Variants in FAM171B observed in about 807,000 individuals in gnomAD.
FAM171B encodes the protein family with sequence similarity 171 member B.
A neutral mutation model predicts 75.6 loss-of-function variants in FAM171B; 19 were observed. The ratio of observed to expected loss-of-function variants is 0.25; its 90% CI spans 0.18 to 0.37. The LOEUF (loss-of-function observed/expected upper bound fraction) is 0.37, where lower values mean the gene tolerates loss of function less well. Ranked by LOEUF, FAM171B falls within the 10% of genes least tolerant of loss-of-function variation. The pLI, the probability that FAM171B is intolerant of heterozygous loss-of-function variation, is 1.00. For missense variants in FAM171B, 848 were observed against 982.4 expected (o/e 0.86, Z 1.83); for synonymous variants, 367 against 361.7 (o/e 1.01, Z -0.17).
chr2:186,709,952 A>G (rs181781050), intron 1 of FAM171B, among the ~76,000 whole-genome samples: 20 of 152,304 alleles, frequency 1.3e-4, no homozygotes, highest in Non-Finnish European at 2.5e-4. Context: ...ATATTCATGA[A>G]ATTTTCTTTT....
At chr2:186,746,557 T>A (rs1259736864) in intron 3 of FAM171B, among the ~76,000 whole-genome samples, 1 of 152,234 alleles carries the variant, frequency 6.6e-6, no homozygotes, top group Non-Finnish European at 1.5e-5. Context: ...CTCCACTATT[T>A]GAATGCTGCC....
At chr2:186,747,914 C>T (rs1288377968) in intron 4 of FAM171B, among the ~76,000 whole-genome samples, 2 of 152,174 alleles carry the variant, frequency 1.3e-5, no homozygotes, top group Admixed American at 6.6e-5. Flanking sequence ...TACATCCACA[C>T]TTGTTCCACC....
At position 186,694,171 on chromosome 2, in the gene FAM171B, GC is replaced by G. The variant is rs765787180; in HGVS notation, c.-1del. 6.3e-7 allele frequency: 1 copy of G among 1,593,152 alleles called. No individual in the cohort carries two copies. Among genetic ancestry groups the G allele is most frequent in the South Asian group, 1.1e-5 (1 of 89,394 alleles). On this transcript the variant is annotated 5_prime_UTR_variant, in exon 1 of 8. Coordinates refer to ENST00000304698, the MANE Select transcript of FAM171B (RefSeq NM_177454.4). ...TGCCGCCGCGGCCCTCTGGCTCTAG[GC>G]CATGGCGAGGCTCTGCCGGCGTGTC...
At chr2:186,696,835 C>T (rs1417019748) in intron 1 of FAM171B, among the ~76,000 whole-genome samples, 3 of 150,482 alleles carry the variant, frequency 2.0e-5, no homozygotes, top group African/African-American at 7.3e-5. Flanking sequence ...ATTCATTCTC[C>T]TCCATGGTAC....
intron 6 of FAM171B, among the ~76,000 whole-genome samples, chr2:186,754,336 G>C (rs1444837146): frequency 6.6e-6 from 1 of 152,092 alleles, no homozygotes; most frequent in Non-Finnish European, 1.5e-5. Flanking sequence ...GCCCAAATCA[G>C]TTAGAGCTTT....
chr2:186,712,735 G>A (rs556948994), intron 1 of FAM171B, among the ~76,000 whole-genome samples: 44 of 151,882 alleles, frequency 2.9e-4, no homozygotes, highest in Admixed American at 1.8e-3. Context: ...TCACTTTTTG[G>A]TCCATGATGA....
At chr2:186,738,461 G>A (rs1375748061) in intron 1 of FAM171B, among the ~76,000 whole-genome samples, 1 of 152,162 alleles carries the variant, frequency 6.6e-6, no homozygotes, top group South Asian at 2.1e-4. Flanking sequence ...ATGGGGGAGT[G>A]CATGCAGAAT....
At chr2:186,717,917 A>G (rs1324010556) in intron 1 of FAM171B, among the ~76,000 whole-genome samples, 1 of 152,090 alleles carries the variant, frequency 6.6e-6, no homozygotes, top group East Asian at 1.9e-4. Flanking sequence ...GTCCATTGCT[A>G]TTTTGCTGTT....
intron 4 of FAM171B, among the ~76,000 whole-genome samples, chr2:186,747,792 CATAAT>C (rs766385175): frequency 1.1e-4 from 16 of 152,104 alleles, no homozygotes; most frequent in Admixed American, 4.6e-4. Context: ...ATAAGGCTGT[CATAAT>C]ATAATTTCTA....
At chr2:186,706,921 A>C (rs1559081386) in intron 1 of FAM171B, among the ~76,000 whole-genome samples, 1 of 152,098 alleles carries the variant, frequency 6.6e-6, no homozygotes, top group Non-Finnish European at 1.5e-5. Context: ...ATTTGAAACT[A>C]ATATACAGAT....
chr2:186,732,944 G>A (rs1427818688), intron 1 of FAM171B, among the ~76,000 whole-genome samples: 1 of 152,182 alleles, frequency 6.6e-6, no homozygotes, highest in African/African-American at 2.4e-5. Flanking sequence ...TATCTATTGA[G>A]AGACAGCCCT....
intron 1 of FAM171B, among the ~76,000 whole-genome samples, chr2:186,707,587 C>G (rs974296038): frequency 6.6e-6 from 1 of 152,072 alleles, no homozygotes; most frequent in Non-Finnish European, 1.5e-5. Flanking sequence ...AGTCAAAAAT[C>G]GTAATGTGAC....
chr2:186,709,092 CGA>C (rs998449857), intron 1 of FAM171B, among the ~76,000 whole-genome samples: 3 of 151,518 alleles, frequency 2.0e-5, no homozygotes, highest in Admixed American at 6.6e-5. Context: ...AAAGAAGGAC[CGA>C]GAGAGAGAGA....
Position 186,753,995 on chromosome 2 carries a change from T to C in FAM171B, c.958T>C (p.Tyr320His). 1 of 1,613,256 alleles carries C rather than the reference T, an allele frequency of 6.2e-7. No homozygotes were observed. The highest frequency in any genetic ancestry group is 8.5e-7 in the Non-Finnish European group (1 of 1,179,658). ...ACATAACAATCATTTAATCTGGACA[T>C]ATGATGCACCACATTTGGGGTACTG... ...KEHNNHLIWT[Y>H]DAPHLGYWIA... Residue 320 changes from tyrosine to histidine, a missense_variant, in exon 6 of 8, where the codon TAT (tyrosine) becomes CAT (histidine). Tyr to His is a moderately conservative substitution (Grantham distance 83). Coordinates refer to ENST00000304698, the MANE Select transcript of FAM171B (RefSeq NM_177454.4).
intron 1 of FAM171B, among the ~76,000 whole-genome samples, chr2:186,720,620 C>A (rs1253967243): frequency 7.1e-6 from 1 of 141,258 alleles, no homozygotes; most frequent in Non-Finnish European, 1.5e-5. Context: ...CAAGTTAACT[C>A]TGAAAAATGG....
chr2:186,701,479 T>C (rs1689660526), intron 1 of FAM171B, among the ~76,000 whole-genome samples: 1 of 152,214 alleles, frequency 6.6e-6, no homozygotes, highest in Non-Finnish European at 1.5e-5. Flanking sequence ...TACTTTGTAC[T>C]TTTTGTCCTA....
Position 186,762,963 on chromosome 2 carries a change from C to A in FAM171B, c.*140C>A. ...GTCTCAAGCAGAGTAAATGGTAATT[C>A]AGTAATCAGAGAGAAAGATACCAAG... On this transcript the variant is annotated 3_prime_UTR_variant, in exon 8 of 8. Transcript: ENST00000304698. The surrounding 1 kb of genome is among the most constrained non-coding windows in gnomAD (Gnocchi z 4.0). The A allele has an allele frequency of 1.0e-6, 1 of 1,004,460 alleles. No individual in the cohort carries two copies. The highest frequency in any genetic ancestry group is 1.4e-6 in the Non-Finnish European group (1 of 696,614). The allele number at this position is 1,004,460 out of a possible 1,614,324, so 62.2% of individuals were successfully genotyped here.
intron 2 of FAM171B, among the ~76,000 whole-genome samples, chr2:186,741,779 C>G (rs952629664): frequency 6.6e-6 from 1 of 152,136 alleles, no homozygotes; most frequent in Non-Finnish European, 1.5e-5. Context: ...TCTTCAAAAT[C>G]TTCATAAACT....
At chr2:186,746,990 G>A (rs970292238) in intron 3 of FAM171B, 102 bp from the exon 4 acceptor site, 18 of 813,852 alleles carry the variant, frequency 2.2e-5, no homozygotes, top group Non-Finnish European at 3.4e-5. Flanking sequence ...ATGATGTTTA[G>A]CAATAATTAT....
Sources: allele counts gnomAD v4.1 joint callset (sites outside exome capture counted in the v4.1 genomes callset), GRCh38; gene constraint gnomAD v4.1.1; non-coding constraint Gnocchi (gnomAD v3.1); transcripts MANE v1.5; gene names NCBI Gene and HGNC (gene_info 2026-07-23, HGNC 2026-07-21).